CSPP1: variants seen among roughly 807,000 people sequenced by gnomAD.
CSPP1 encodes centrosome and spindle pole associated protein 1.
A neutral mutation model predicts 164.4 loss-of-function variants in CSPP1; 126 were observed. That is an observed-to-expected ratio of 0.77 (90% CI 0.66 to 0.89). CSPP1 has a LOEUF of 0.89. Among genes scored for constraint, CSPP1 ranks in the 40% least tolerant of loss-of-function variants. The pLI, the probability that CSPP1 is intolerant of heterozygous loss-of-function variation, is 0.00. For synonymous variants in CSPP1, 472 were observed against 476.7 expected, an observed-to-expected ratio of 0.99 and a Z score of 0.13; for missense variants, 1,395 against 1,449.8, an observed-to-expected ratio of 0.96 and a Z score of 0.61.
At chr8:67,109,197 G>A (rs1816307556) in intron 9 of CSPP1, among the ~76,000 whole-genome samples, 1 of 152,168 alleles carries the variant, frequency 6.6e-6, no homozygotes. Flanking sequence ...GCTAATTCAG[G>A]TTGTTGGCAG....
intron 17 of CSPP1, among the ~76,000 whole-genome samples, chr8:67,145,786 G>A (rs1824420232): frequency 6.6e-6 from 1 of 151,954 alleles, no homozygotes; most frequent in African/African-American, 2.4e-5. Flanking sequence ...GCCTCCGAAA[G>A]TGCTGGGATT....
At chr8:67,066,755 A>G (rs1805640918) in intron 1 of CSPP1, among the ~76,000 whole-genome samples, 1 of 151,862 alleles carries the variant, frequency 6.6e-6, no homozygotes, top group African/African-American at 2.4e-5. Context: ...ACACACACAC[A>G]TATATACACA....
chr8:67,158,888 A>G (rs1827175048), intron 20 of CSPP1, 103 bp from the exon 21 acceptor site: 3 of 1,042,616 alleles, frequency 2.9e-6, no homozygotes, highest in Non-Finnish European at 4.2e-6. Flanking sequence ...ATATCATGTC[A>G]TCTATATCTT....
chr8:67,194,569 T>A (rs1485662115), intron 30 of CSPP1, among the ~76,000 whole-genome samples: 1 of 152,190 alleles, frequency 6.6e-6, no homozygotes, highest in Non-Finnish European at 1.5e-5. Flanking sequence ...ATTTTAAGAA[T>A]CTTTTTCAGA....
chr8:67,179,042 T>G (rs982351464), intron 27 of CSPP1, among the ~76,000 whole-genome samples: 1 of 152,228 alleles, frequency 6.6e-6, no homozygotes, highest in East Asian at 1.9e-4. Flanking sequence ...TTGTAATTCA[T>G]TGCCTTAAAA....
chr8:67,123,755 G>T (rs1819477236), intron 15 of CSPP1, among the ~76,000 whole-genome samples: 1 of 151,642 alleles, frequency 6.6e-6, no homozygotes, highest in African/African-American at 2.4e-5. Flanking sequence ...GGAACTACAG[G>T]CACATGCCAC....
At chr8:67,087,573 G>A (rs138057851) in intron 4 of CSPP1, among the ~76,000 whole-genome samples, 4 of 152,262 alleles carry the variant, frequency 2.6e-5, no homozygotes, top group Non-Finnish European at 5.9e-5. Flanking sequence ...AGAGAGAATC[G>A]AAGCGAGAAA....
intron 1 of CSPP1, among the ~76,000 whole-genome samples, chr8:67,070,503 G>T (rs1382357815): frequency 2.0e-5 from 3 of 150,310 alleles, no homozygotes; most frequent in Non-Finnish European, 4.4e-5. Context: ...GAGTGTGGTT[G>T]CTGGCAGTTA....
intron 28 of CSPP1, among the ~76,000 whole-genome samples, chr8:67,187,431 C>T (rs1022064289): frequency 3.3e-5 from 5 of 152,038 alleles, no homozygotes; most frequent in African/African-American, 4.8e-5. Flanking sequence ...CACAGTGGCT[C>T]ACACCTGTAG....
In CSPP1 at chr8:67,164,472, T is replaced by G; in HGVS notation, c.2792T>G (p.Leu931Trp). The G allele has an allele frequency of 1.9e-6, 3 of 1,592,802 alleles. No individual in the cohort carries two copies. The South Asian group carries it at 3.3e-5, about 18-fold the overall frequency. ...RSEERRLQERLLHMDSDDEIP... is the reference protein window; with the variant it reads ...RSEERRLQERWLHMDSDDEIP... Reference sequence around the variant, plus strand: ...GAAGAGAGGCGTCTACAAGAGCGATTGCTACACATGGACAGTGATGATGAA... The same window carrying G: ...GAAGAGAGGCGTCTACAAGAGCGATGGCTACACATGGACAGTGATGATGAA... Residue 931 changes from leucine to tryptophan, a missense_variant, in exon 24 of 31, where the codon TTG (leucine) becomes TGG (tryptophan). Physicochemically the swap from Leu to Trp is moderately conservative, Grantham distance 61. Transcript: ENST00000678616.
At position 67,116,985 on chromosome 8, in the gene CSPP1, GA is replaced by G. The variant is rs1215412015; in HGVS notation, c.1496+865del. ...CCTGACTCAGGAATAGGAGGCATTG[GA>G]ATTAACAGAGCATTTTATGGTGGTC... is the stretch of plus-strand genomic sequence containing the variant. On this transcript the variant is annotated intron_variant, in intron 13 of 30. Coordinates refer to ENST00000678616, the MANE Select transcript of CSPP1 (RefSeq NM_001382391.1). Among the ~76,000 whole-genome samples the G allele has an allele frequency of 3.3e-5, 5 of 152,168 alleles. No individual in the cohort carries two copies. In the East Asian group the frequency reaches 9.6e-4, roughly 29 times the overall value.
At chr8:67,070,420 G>A (rs569517477) in intron 1 of CSPP1, among the ~76,000 whole-genome samples, 12 of 146,878 alleles carry the variant, frequency 8.2e-5, no homozygotes, top group Admixed American at 6.3e-4. Context: ...CCGAGATCGC[G>A]CCACTGCACT....
chr8:67,143,333 T>C (rs903362822), intron 17 of CSPP1, among the ~76,000 whole-genome samples: 2 of 152,098 alleles, frequency 1.3e-5, no homozygotes, highest in African/African-American at 4.8e-5. Context: ...CAAGATCTTT[T>C]GACAACTCAA....
intron 24 of CSPP1, among the ~76,000 whole-genome samples, chr8:67,169,601 G>A (rs1007021785): frequency 6.6e-6 from 1 of 151,884 alleles, no homozygotes; most frequent in African/African-American, 2.4e-5. Context: ...CCCCACGCAC[G>A]GCTAATTTTT....
chr8:67,065,540 A>G (rs561333599), intron 1 of CSPP1: 41 of 980,254 alleles, frequency 4.2e-5, no homozygotes, highest in South Asian at 9.4e-5. Flanking sequence ...CTATTGAGGT[A>G]TTTTCTTTTC....
chr8:67,069,653 C>T (rs1280686871), intron 1 of CSPP1, among the ~76,000 whole-genome samples: 31 of 140,172 alleles, frequency 2.2e-4, no homozygotes, highest in Non-Finnish European at 2.0e-4. Context: ...TCTTTTTTTT[C>T]TTTTCTTTCT....
chr8:67,118,142 T>C, intron 13 of CSPP1, 106 bp from the exon 14 acceptor site: 2 of 1,163,040 alleles, frequency 1.7e-6, no homozygotes. Context: ...TTTTCTAAAG[T>C]AGTGATAGGA....
chr8:67,151,010 T>G (rs1563685739), intron 18 of CSPP1, among the ~76,000 whole-genome samples: 1 of 152,202 alleles, frequency 6.6e-6, no homozygotes, highest in Non-Finnish European at 1.5e-5. Flanking sequence ...GTCTTTTTTG[T>G]TTTTAACCCT....
Position 67,164,434 on chromosome 8 carries a change from A to G in CSPP1, c.2754A>G (p.Lys918=), listed in dbSNP as rs1324539056. The change falls in exon 24 of 31, where the codon AAA becomes AAG. Residue 918 remains lysine, a synonymous_variant. Transcript: ENST00000678616. ...NVIMELSEMR[K]QLRSEERRLQ... ...TTATGGAATTATCAGAAATGAGAAA[A>G]CAGCTTCGTAGTGAAGAGAGGCGTC... 3 of 1,605,840 alleles carry G rather than the reference A, an allele frequency of 1.9e-6. No homozygotes were observed. The highest frequency in any genetic ancestry group is 1.3e-5 in the African/African-American group (1 of 74,778).
Sources: gnomAD v4.1 joint callset for allele counts (sites outside exome capture counted in the v4.1 genomes callset) on GRCh38, gnomAD v4.1.1 for gene constraint, MANE v1.5 for transcripts, NCBI Gene and HGNC (gene_info 2026-07-23, HGNC 2026-07-21) for gene names.